The following IPCEF1 variants were observed in gnomAD, a reference collection of about 807,000 sequenced individuals.
The protein encoded by IPCEF1 is interactor protein for cytohesin exchange factors 1.
In IPCEF1, 31 loss-of-function variants were observed where a neutral mutation model predicts 50.9. The observed-to-expected ratio is 0.61, with a 90% CI of 0.46 to 0.82. IPCEF1 has a LOEUF of 0.82. Ranked by LOEUF, IPCEF1 falls within the 40% of genes least tolerant of loss-of-function variation. The pLI is 0.00. For synonymous variants in IPCEF1, 181 were observed against 192.0 expected (o/e 0.94, Z 0.47); for missense variants, 458 against 514.0 (o/e 0.89, Z 1.05).
chr6:154,339,858 A>C (rs371569881), intron 1 of IPCEF1, among the ~76,000 whole-genome samples: 28 of 150,900 alleles, frequency 1.9e-4, no homozygotes, highest in African/African-American at 6.6e-4. Context: ...TCACCTCCCA[A>C]AGTGCTGGGA....
chr6:154,264,897 A>G (rs1781715005), intron 3 of IPCEF1, among the ~76,000 whole-genome samples: 1 of 152,154 alleles, frequency 6.6e-6, no homozygotes, highest in Non-Finnish European at 1.5e-5. Flanking sequence ...CCCTGTTACC[A>G]CAAAGTCCCT....
chr6:154,228,415 G>A (rs1222441741), intron 5 of IPCEF1, among the ~76,000 whole-genome samples: 1 of 152,002 alleles, frequency 6.6e-6, no homozygotes, highest in Non-Finnish European at 1.5e-5. Context: ...CAAACCCATC[G>A]TTTGGCCATT....
At chr6:154,283,597 C>T (rs1430737105) in intron 2 of IPCEF1, among the ~76,000 whole-genome samples, 1 of 151,436 alleles carries the variant, frequency 6.6e-6, no homozygotes, top group Non-Finnish European at 1.5e-5. Context: ...GACTCCATCT[C>T]AAAAAAAATT....
chr6:154,272,937 G>T (rs1781934574), intron 2 of IPCEF1, among the ~76,000 whole-genome samples: 2 of 152,178 alleles, frequency 1.3e-5, no homozygotes, highest in Non-Finnish European at 2.9e-5. Flanking sequence ...AAAGGTAACT[G>T]TCCTGGTTAT....
intron 1 of IPCEF1, among the ~76,000 whole-genome samples, chr6:154,299,220 A>G (rs1363629358): frequency 1.4e-5 from 2 of 140,808 alleles, no homozygotes; most frequent in African/African-American, 5.1e-5. Flanking sequence ...TCCATGCCCA[A>G]CAATAAGCAA....
In IPCEF1 at chr6:154,241,621, G is replaced by A. The variant is rs571734118; in HGVS notation, c.246+4970C>T. ...TCATACCTCACCCCTTTTTATTTGC[G>A]TAGTGCGCCCTACATTCTCACTGTT... On this transcript the variant is annotated intron_variant, in intron 5 of 11. Coordinates refer to ENST00000367220, the MANE Select transcript of IPCEF1 (RefSeq NM_001130700.2). Among the ~76,000 whole-genome samples the A allele has an allele frequency of 2.0e-4, 30 of 151,934 alleles. No homozygotes were observed. The South Asian group carries it at 3.1e-3, about 16-fold the overall frequency.
At chr6:154,251,130 C>T (rs1301342313) in intron 3 of IPCEF1, among the ~76,000 whole-genome samples, 1 of 152,124 alleles carries the variant, frequency 6.6e-6, no homozygotes, top group Non-Finnish European at 1.5e-5. Context: ...GAAAAGCTTG[C>T]TTAATTTTTT....
At chr6:154,226,176 A>G (rs1162852739) in intron 5 of IPCEF1, among the ~76,000 whole-genome samples, 1 of 152,014 alleles carries the variant, frequency 6.6e-6, no homozygotes, top group African/African-American at 2.4e-5. Flanking sequence ...GATCATACAC[A>G]CCCTCATGGC....
intron 1 of IPCEF1, among the ~76,000 whole-genome samples, chr6:154,307,123 C>T (rs908531398): frequency 5.3e-5 from 8 of 152,170 alleles, no homozygotes; most frequent in Admixed American, 2.0e-4. Context: ...CTGCCTATCT[C>T]CAAATACAAT....
rs567320237 is a variant in IPCEF1, at chr6:154,260,050, G to A, written c.36+5862C>T. ...GGTGAGACATGCATGTTTCATGCAG[G>A]CAGAAATCGTGTCTGGGCTGTTGAC... On this transcript the variant is annotated intron_variant, in intron 3 of 11. Transcript: ENST00000367220. Among the ~76,000 whole-genome samples, 22 of 152,322 alleles carry A rather than the reference G, an allele frequency of 1.4e-4. 2 individuals carry two copies. The highest frequency in any genetic ancestry group is 6.2e-4 in the South Asian group (3 of 4,826).
chr6:154,172,478 G>A (rs549250638), intron 10 of IPCEF1, among the ~76,000 whole-genome samples: 1 of 152,330 alleles, frequency 6.6e-6, no homozygotes, highest in South Asian at 2.1e-4. Flanking sequence ...CAGCAGACCA[G>A]GAGATTCCCT....
intron 1 of IPCEF1, among the ~76,000 whole-genome samples, chr6:154,324,029 A>C (rs6902311): frequency 0.068 from 10,351 of 152,286 alleles, 716 homozygotes; most frequent in East Asian, 0.33. Flanking sequence ...AAGCTAAGTG[A>C]TGGGTACAGT....
At chr6:154,318,486 C>T (rs984942987) in intron 1 of IPCEF1, among the ~76,000 whole-genome samples, 2 of 151,998 alleles carry the variant, frequency 1.3e-5, no homozygotes, top group African/African-American at 2.4e-5. Context: ...AGATTGGGAC[C>T]GAGATGGAAG....
intron 10 of IPCEF1, among the ~76,000 whole-genome samples, chr6:154,189,981 T>G (rs1434810119): frequency 6.6e-6 from 1 of 151,766 alleles, no homozygotes; most frequent in Non-Finnish European, 1.5e-5. Flanking sequence ...CACATTAATA[T>G]GTACAATTGT....
intron 1 of IPCEF1, among the ~76,000 whole-genome samples, chr6:154,355,892 A>G (rs2128703649): frequency 6.6e-6 from 1 of 151,190 alleles, no homozygotes; most frequent in Non-Finnish European, 1.5e-5. Context: ...ACCTCAAGTG[A>G]TCCTCTCGCC....
intron 1 of IPCEF1, among the ~76,000 whole-genome samples, chr6:154,343,674 C>G (rs942359094): frequency 4.6e-5 from 7 of 152,224 alleles, no homozygotes; most frequent in African/African-American, 1.7e-4. Flanking sequence ...CCCAGGTGTG[C>G]TGTGACTGCT....
chr6:154,249,463 C>T (rs1307308663), intron 3 of IPCEF1, among the ~76,000 whole-genome samples: 1 of 152,074 alleles, frequency 6.6e-6, no homozygotes, highest in Non-Finnish European at 1.5e-5. Flanking sequence ...GTCCAGGAGT[C>T]CCTAGCAAGC....
intron 5 of IPCEF1, among the ~76,000 whole-genome samples, chr6:154,236,536 TAA>T (rs781217678): frequency 1.2e-4 from 18 of 152,206 alleles, no homozygotes; most frequent in Non-Finnish European, 2.1e-4. Flanking sequence ...TAAAAATGGC[TAA>T]GATGGTAAAC....
chr6:154,301,330 C>T (rs1272764743), intron 1 of IPCEF1, among the ~76,000 whole-genome samples: 1 of 152,122 alleles, frequency 6.6e-6, no homozygotes, highest in Admixed American at 6.5e-5. Flanking sequence ...CTGGTAGGAT[C>T]TAGAGGTTTG....
Sources: allele counts gnomAD v4.1 joint callset (sites outside exome capture counted in the v4.1 genomes callset), GRCh38; gene constraint gnomAD v4.1.1; transcripts MANE v1.5; gene names NCBI Gene and HGNC (gene_info 2026-07-23, HGNC 2026-07-21).